The following ROPN1B variants were observed in gnomAD, a reference collection of about 807,000 sequenced individuals.
ROPN1B encodes the protein ropporin-1B.
A neutral mutation model predicts 23.7 loss-of-function variants in ROPN1B; 13 were observed. That is an observed-to-expected ratio of 0.55 (90% CI 0.36 to 0.87). The LOEUF is 0.87. ROPN1B is among the 40% of genes least tolerant of loss of function. ROPN1B has a pLI of 0.01. For missense variants in ROPN1B, 183 were observed against 249.2 expected, an observed-to-expected ratio of 0.73 and a Z score of 1.79; for synonymous variants, 67 against 100.4, an observed-to-expected ratio of 0.67 and a Z score of 1.99.
intron 5 of ROPN1B, among the ~76,000 whole-genome samples, chr3:125,979,738 C>A (rs979725290): frequency 6.6e-6 from 1 of 152,198 alleles, no homozygotes; most frequent in Non-Finnish European, 1.5e-5. Flanking sequence ...CTTTCCTTTG[C>A]GAATTCAACG....
At position 125,975,556 on chromosome 3, in the gene ROPN1B, C is replaced by A; in HGVS notation, c.117-7C>A. On this transcript the variant is annotated splice_polypyrimidine_tract_variant and splice_region_variant and intron_variant, in intron 3 of 6. Transcript: ENST00000514116. ...ATCCTCCTACTCTCTGACTTTTTTTCTTGTAGTTATTTTGAGGCCCTGTCC... is the reference window on the plus strand; with the variant it reads ...ATCCTCCTACTCTCTGACTTTTTTTATTGTAGTTATTTTGAGGCCCTGTCC... The A allele has an allele frequency of 6.2e-7, 1 of 1,601,114 alleles. No individual in the cohort carries two copies. Among genetic ancestry groups the A allele is most frequent in the Non-Finnish European group, 8.5e-7 (1 of 1,175,052 alleles).
intron 1 of ROPN1B, among the ~76,000 whole-genome samples, chr3:125,970,829 G>C (rs964837117): frequency 1.3e-5 from 2 of 152,256 alleles, no homozygotes; most frequent in Admixed American, 1.3e-4. Context: ...TTAGTTTCTT[G>C]TCTTGGGATT....
At position 125,983,287 on chromosome 3, in the gene ROPN1B, C is replaced by G. The variant is rs1185086551; in HGVS notation, c.606C>G (p.Asp202Glu). Residue 202 changes from aspartate to glutamate, a missense_variant, in exon 7 of 7, where the codon GAC becomes GAG. Asp to Glu is a conservative substitution (Grantham distance 45). Around this residue, in one of 3 missense-constraint regions of ROPN1B, gnomAD observed 80 missense variants for 98.0 expected, o/e 0.82. Coordinates refer to ENST00000514116, the MANE Select transcript of ROPN1B (RefSeq NM_001308313.2). ...IGPDGLITVN[D>E]FTQNPRVWLE Reference sequence around the variant, plus strand: ...CTGATGGTTTAATCACGGTGAATGACTTTACCCAAAACCCCAGGGTTTGGC... The same window carrying G: ...CTGATGGTTTAATCACGGTGAATGAGTTTACCCAAAACCCCAGGGTTTGGC... 1.2e-6 allele frequency: 2 copies of G among 1,613,778 alleles called. No homozygotes were observed. The highest frequency in any genetic ancestry group is 1.7e-5 in the Admixed American group (1 of 60,016).
intron 2 of ROPN1B, among the ~76,000 whole-genome samples, chr3:125,971,629 T>C (rs956908015): frequency 5.3e-5 from 8 of 152,360 alleles, no homozygotes; most frequent in Middle Eastern, 3.4e-3. Context: ...CTTACCTAGC[T>C]AATAAGAGCT....
intron 3 of ROPN1B, among the ~76,000 whole-genome samples, chr3:125,974,404 G>A (rs1292971765): frequency 3.3e-5 from 5 of 152,214 alleles, no homozygotes; most frequent in Non-Finnish European, 5.9e-5. Flanking sequence ...TTGCTATGTG[G>A]CTTAGAGACA....
Position 125,983,407 on chromosome 3 carries a change from T to C in ROPN1B, c.*87T>C. Reference sequence around the variant, plus strand: ...CCCATATACCACCTAAAATCAATTTTCTTGTACAACTGGTACACACTAATA... The same window carrying C: ...CCCATATACCACCTAAAATCAATTTCCTTGTACAACTGGTACACACTAATA... On this transcript the variant is annotated 3_prime_UTR_variant, in exon 7 of 7. Transcript: ENST00000514116. 1.1e-6 allele frequency: 1 copy of C among 891,206 alleles called. No homozygotes were observed. The highest frequency in any genetic ancestry group is 2.4e-5 in the East Asian group (1 of 41,238). The allele number at this position is 891,206 out of a possible 1,614,324, so 55.2% of individuals were successfully genotyped here.
chr3:125,969,901 T>TA (rs1322461622), intron 1 of ROPN1B: 1 of 149,496 alleles, frequency 6.7e-6, no homozygotes, highest in Non-Finnish European at 1.5e-5. Flanking sequence ...ATTTTATACC[T>TA]AGCACTTCAT....
chr3:125,974,180 C>T (rs527513795), intron 3 of ROPN1B, among the ~76,000 whole-genome samples: 8 of 152,334 alleles, frequency 5.3e-5, no homozygotes, highest in Middle Eastern at 3.4e-3. Flanking sequence ...CTCTGTCCCT[C>T]CCATTTATAC....
At position 125,983,373 on chromosome 3, in the gene ROPN1B, A is replaced by C. The variant is rs938983079; in HGVS notation, c.*53A>C. ...AGATACAGAGGTGATTGTACTTCAG[A>C]ATGATAAACCCATATACCACCTAAA... On this transcript the variant is annotated 3_prime_UTR_variant, in exon 7 of 7. Coordinates refer to ENST00000514116, the MANE Select transcript of ROPN1B (RefSeq NM_001308313.2). The C allele has an allele frequency of 1.1e-5, 14 of 1,262,656 alleles. No homozygotes were observed. Among genetic ancestry groups the C allele is most frequent in the Non-Finnish European group, 1.5e-5 (13 of 860,258 alleles). 78.2% of individuals were successfully genotyped at this position (1,262,656 alleles called of 1,614,324 possible).
At chr3:125,978,344 TG>T (rs1198207352) in intron 5 of ROPN1B, among the ~76,000 whole-genome samples, 5 of 152,172 alleles carry the variant, frequency 3.3e-5, no homozygotes, top group African/African-American at 4.8e-5. Flanking sequence ...TGGGGGAAAA[TG>T]TACCTTTAAA....
At chr3:125,974,095 C>G (rs1247019434) in intron 3 of ROPN1B, among the ~76,000 whole-genome samples, 5 of 152,222 alleles carry the variant, frequency 3.3e-5, no homozygotes, top group African/African-American at 1.2e-4. Context: ...ACCAATTCCA[C>G]AAGAAGTCCA....
intron 5 of ROPN1B, among the ~76,000 whole-genome samples, chr3:125,980,296 G>C (rs1216175022): frequency 6.6e-6 from 1 of 152,182 alleles, no homozygotes; most frequent in African/African-American, 2.4e-5. Flanking sequence ...AAGGGTTATT[G>C]TTTGAATAAT....
At chr3:125,970,217 A>C (rs570242324) in intron 1 of ROPN1B, 3 of 152,026 alleles carry the variant, frequency 2.0e-5, no homozygotes, top group African/African-American at 7.2e-5. Flanking sequence ...GGTTAAGCAG[A>C]CCTCCAAAGG....
In ROPN1B at chr3:125,975,147, T is replaced by C. The variant is rs768740324; in HGVS notation, c.117-416T>C. On this transcript the variant is annotated intron_variant, in intron 3 of 6. Coordinates refer to ENST00000514116, the MANE Select transcript of ROPN1B (RefSeq NM_001308313.2). ...CCGTAGCCACCATTCCTGTGCTGCC[T>C]TCCCCTTTCTTACGTACATTACTTT... 2.6e-5 allele frequency among the ~76,000 whole-genome samples: 4 copies of C among 152,200 alleles called. No homozygotes were observed. The East Asian group carries it at 7.7e-4, about 29-fold the overall frequency.
At chr3:125,975,916 A>G (rs535052003) in intron 4 of ROPN1B, among the ~76,000 whole-genome samples, 1 of 152,308 alleles carries the variant, frequency 6.6e-6, no homozygotes, top group East Asian at 1.9e-4. Flanking sequence ...AGCTGGCAGA[A>G]TGTACAGGGG....
chr3:125,980,984 C>T (rs958968390), intron 5 of ROPN1B, among the ~76,000 whole-genome samples: 1 of 151,970 alleles, frequency 6.6e-6, no homozygotes, highest in Admixed American at 6.6e-5. Context: ...ATGATAGGAC[C>T]CCCAGGGACA....
At chr3:125,980,231 T>C (rs549381340) in intron 5 of ROPN1B, among the ~76,000 whole-genome samples, 6 of 152,380 alleles carry the variant, frequency 3.9e-5, no homozygotes, top group South Asian at 4.1e-4. Flanking sequence ...TATCCACTCA[T>C]CCATTTATTA....
chr3:125,980,983 C>T (rs1016853626), intron 5 of ROPN1B, among the ~76,000 whole-genome samples: 3 of 152,050 alleles, frequency 2.0e-5, no homozygotes, highest in African/African-American at 4.8e-5. Context: ...CATGATAGGA[C>T]CCCCAGGGAC....
rs1938367086 is a variant in ROPN1B, at chr3:125,975,370, G to A, written c.117-193G>A. 3 of 463,974 alleles carry A rather than the reference G, an allele frequency of 6.5e-6. No individual in the cohort carries two copies. The South Asian group carries it at 1.6e-4, about 25-fold the overall frequency. The allele number at this position is 463,974 out of a possible 1,614,324, so 28.7% of individuals were successfully genotyped here. A position where few individuals can be genotyped will look rare whatever the true frequency, so the allele number is the denominator to read the frequency against. On this transcript the variant is annotated intron_variant, in intron 3 of 6. Coordinates refer to ENST00000514116, the MANE Select transcript of ROPN1B (RefSeq NM_001308313.2). ...TTTGTATTCTCTAAGCATTCTCTGT[G>A]CCCTAAGTGGAGAGTAACACATTCA...
Sources: gnomAD v4.1 joint callset for allele counts (sites outside exome capture counted in the v4.1 genomes callset) on GRCh38, gnomAD v4.1.1 for gene constraint, gnomAD v4.1.1 regional missense constraint, MANE v1.5 for transcripts, NCBI Gene and HGNC (gene_info 2026-07-23, HGNC 2026-07-21) for gene names.